The following ODAD2 variants were observed in gnomAD, a reference collection of about 807,000 sequenced individuals.
ODAD2 encodes the protein outer dynein arm docking complex subunit 2.
ODAD2 carries 89 observed loss-of-function variants against 106.8 expected under a neutral mutation model. The ratio of observed to expected loss-of-function variants is 0.83; its 90% CI spans 0.70 to 0.99. The LOEUF (loss-of-function observed/expected upper bound fraction) is 0.99. Among genes scored for constraint, ODAD2 ranks in the 50% least tolerant of loss-of-function variants. The pLI is 0.00. For missense variants in ODAD2, 1,168 were observed against 1,238.5 expected, an observed-to-expected ratio of 0.94 and a Z score of 0.85; for synonymous variants, 404 against 436.2, an observed-to-expected ratio of 0.93 and a Z score of 0.92.
chr10:27,821,207 G>C (rs145402032), intron 19 of ODAD2, among the ~76,000 whole-genome samples: 274 of 152,246 alleles, frequency 1.8e-3, no homozygotes, highest in Non-Finnish European at 2.6e-3. Flanking sequence ...AATTTTCTGT[G>C]TGCTCCGGGT....
chr10:27,998,837 C>G (rs1850715474), intron 1 of ODAD2, among the ~76,000 whole-genome samples, 157 bp downstream of exon 1: 1 of 152,122 alleles, frequency 6.6e-6, no homozygotes, highest in African/African-American at 2.4e-5. Context: ...CGGCGCCCGC[C>G]TGTTGCTAGG....
chr10:27,895,454 A>C (rs1842799684), intron 17 of ODAD2, among the ~76,000 whole-genome samples: 1 of 152,076 alleles, frequency 6.6e-6, no homozygotes, highest in East Asian at 1.9e-4. Context: ...AGCCTAGCTA[A>C]TTTTTGTATT....
chr10:27,845,716 T>G (rs1027651771), intron 19 of ODAD2, among the ~76,000 whole-genome samples: 21 of 152,004 alleles, frequency 1.4e-4, no homozygotes, highest in Admixed American at 1.3e-3. Context: ...AAAATAAAGG[T>G]ATGGAGGAAG....
intron 17 of ODAD2, among the ~76,000 whole-genome samples, chr10:27,881,110 CAG>C (rs776565189): frequency 1.8e-4 from 27 of 152,152 alleles, no homozygotes; most frequent in Non-Finnish European, 3.4e-4. Flanking sequence ...TTTTACTCTT[CAG>C]GATTGTTAAA....
At chr10:27,973,325 C>G (rs982173010) in intron 7 of ODAD2, among the ~76,000 whole-genome samples, 1 of 152,116 alleles carries the variant, frequency 6.6e-6, no homozygotes, top group African/African-American at 2.4e-5. Context: ...AAAACCCCAT[C>G]TGTACCAAAA....
chr10:27,906,771 C>A (rs948844620), intron 17 of ODAD2, among the ~76,000 whole-genome samples: 2 of 152,110 alleles, frequency 1.3e-5, no homozygotes, highest in African/African-American at 4.8e-5. Context: ...GAACAAAAAA[C>A]CAAACACCGC....
chr10:27,873,859 G>A (rs962269065), intron 17 of ODAD2, among the ~76,000 whole-genome samples: 4 of 152,154 alleles, frequency 2.6e-5, no homozygotes, highest in South Asian at 2.1e-4. Flanking sequence ...AGTTCTGTAG[G>A]TGTCTATTAG....
chr10:27,864,741 TG>T lies in ODAD2; in HGVS notation c.2611-2120del, dbSNP rs532898489. On this transcript the variant is annotated intron_variant, in intron 17 of 19. Coordinates refer to ENST00000305242, the MANE Select transcript of ODAD2 (RefSeq NM_018076.5). ...GATCTCCACCTTCTCTAAGGTTGTATGGGGGTGAGTGTAATGTCCACCAATT... is the reference window on the plus strand; with the variant it reads ...GATCTCCACCTTCTCTAAGGTTGTATGGGGTGAGTGTAATGTCCACCAATT... Among the ~76,000 whole-genome samples, 390 of 152,100 alleles carry T rather than the reference TG, an allele frequency of 2.6e-3. 7 individuals are homozygous for T. The highest frequency in any genetic ancestry group is 0.02 in the Admixed American group (304 of 15,274).
chr10:27,899,858 C>A (rs1843081471), intron 17 of ODAD2, among the ~76,000 whole-genome samples: 1 of 152,152 alleles, frequency 6.6e-6, no homozygotes, highest in Non-Finnish European at 1.5e-5. Flanking sequence ...GGACAGAACA[C>A]CTGGGGGAAG....
In ODAD2 at chr10:27,899,608, G is replaced by A. The variant is rs540070814; in HGVS notation, c.2610+8055C>T. On this transcript the variant is annotated intron_variant, in intron 17 of 19. Transcript: ENST00000305242. ...AGCATAGCAGTCCAAAGTCGACCTG[G>A]CATGCTCAAGCTTGGTGGGGGAGGG... Among the ~76,000 whole-genome samples the A allele has an allele frequency of 2.0e-5, 3 of 151,950 alleles. No homozygotes were observed. The East Asian group carries it at 5.8e-4, about 29-fold the overall frequency.
chr10:27,868,160 C>G (rs1840591168), intron 17 of ODAD2, among the ~76,000 whole-genome samples: 1 of 152,086 alleles, frequency 6.6e-6, no homozygotes, highest in Admixed American at 6.6e-5. Flanking sequence ...GAATGACGAT[C>G]ATTAAAAAGT....
chr10:27,995,122 T>C lies in ODAD2; in HGVS notation c.21A>G (p.Lys7=), dbSNP rs2133232560. The C allele has an allele frequency of 1.2e-6, 2 of 1,614,148 alleles. No homozygotes were observed. The highest frequency in any genetic ancestry group is 2.2e-5 in the East Asian group (1 of 44,874). Residue 7 remains lysine (K), a synonymous_variant, in exon 2 of 20, where the codon AAA becomes AAG. Coordinates refer to ENST00000305242, the MANE Select transcript of ODAD2 (RefSeq NM_018076.5). The stretch of plus-strand genomic sequence containing the variant: ...GTCCGGCAGCAGTCCACTGCGTCAA[T>C]TTCCTCAGAGCCACACCCATGGGAT... MGVALR[K]LTQWTAAGHG... is the part of the protein sequence containing the mutation.
chr10:27,954,668 C>T (rs971225350), intron 10 of ODAD2, among the ~76,000 whole-genome samples: 2 of 152,334 alleles, frequency 1.3e-5, no homozygotes, highest in East Asian at 3.9e-4. Flanking sequence ...ATTGTCTTTA[C>T]GCTGCTTTTT....
intron 18 of ODAD2, among the ~76,000 whole-genome samples, chr10:27,861,654 T>C (rs75758420): frequency 1.3e-5 from 2 of 152,158 alleles, no homozygotes; most frequent in African/African-American, 4.8e-5. Context: ...CGAAGACACA[T>C]TTTGGGTCTT....
intron 16 of ODAD2, among the ~76,000 whole-genome samples, chr10:27,910,178 T>C (rs1405037440): frequency 6.6e-6 from 1 of 152,172 alleles, no homozygotes; most frequent in African/African-American, 2.4e-5. Flanking sequence ...TTAATTTTCC[T>C]AAAGACACTT....
intron 17 of ODAD2, among the ~76,000 whole-genome samples, chr10:27,890,785 A>C (rs1842507495): frequency 7.1e-6 from 1 of 141,572 alleles, no homozygotes; most frequent in Non-Finnish European, 1.5e-5. Flanking sequence ...AAAAAAAAAA[A>C]CTTGTATTAT....
Position 27,983,978 on chromosome 10 carries a change from A to G in ODAD2, c.684T>C (p.Asp228=), listed in dbSNP as rs1478227224. 2 of 1,606,202 alleles carry G rather than the reference A, an allele frequency of 1.2e-6. No homozygotes were observed. The highest frequency in any genetic ancestry group is 2.7e-5 in the African/African-American group (2 of 74,242). ...CTCGACATCCATTTGAAAATTCATA[A>G]TCTGAAACCAATCATCAAGCAATTA... The part of the protein sequence containing the change: ...TVLESIEYTS[D]YEFSNGCRAP... The change falls in exon 6 of 20, where the codon GAT becomes GAC. Residue 228 remains aspartate (D), a splice_region_variant and synonymous_variant. Transcript: ENST00000305242.
chr10:27,997,237 T>C (rs1431605376), intron 1 of ODAD2, among the ~76,000 whole-genome samples: 3 of 152,232 alleles, frequency 2.0e-5, no homozygotes, highest in Admixed American at 2.0e-4. Flanking sequence ...CACATAAACA[T>C]GTTCTGATGT....
intron 9 of ODAD2, among the ~76,000 whole-genome samples, chr10:27,967,411 A>T (rs973024622): frequency 6.6e-6 from 1 of 152,242 alleles, no homozygotes; most frequent in African/African-American, 2.4e-5. Context: ...TCCGGCTGGT[A>T]TCAGCAGAGG....
Sources: allele counts gnomAD v4.1 joint callset (sites outside exome capture counted in the v4.1 genomes callset), GRCh38; gene constraint gnomAD v4.1.1; transcripts MANE v1.5; gene names NCBI Gene and HGNC (gene_info 2026-07-23, HGNC 2026-07-21).